G6PC2: variants seen among roughly 807,000 people sequenced by gnomAD.
G6PC2 encodes glucose-6-phosphatase 2.
In G6PC2, 41 loss-of-function variants were observed where a neutral mutation model predicts 35.4. That is an observed-to-expected ratio of 1.16 (90% confidence interval 0.90 to 1.50). The LOEUF (loss-of-function observed/expected upper bound fraction) is 1.50. Ranked by LOEUF, G6PC2 falls within the 40% of genes most tolerant of loss-of-function variation. The pLI is 0.00. For missense variants in G6PC2, 441 were observed against 426.5 expected (o/e 1.03, Z -0.30); for synonymous variants, 165 against 153.2 (o/e 1.08, Z -0.57).
chr2:168,904,438 T>G, intron 2 of G6PC2, 67 bp from the exon 3 acceptor site: 1 of 832,806 alleles, frequency 1.2e-6, no homozygotes, highest in East Asian at 2.4e-5. Context: ...AATATGCTAT[T>G]CTATTATTCA....
Position 168,902,507 on chromosome 2 carries a change from C to G in G6PC2, c.281C>G (p.Ser94Ter), listed in dbSNP as rs755109583. The change falls in exon 2 of 5, where the codon TCA (serine) becomes TGA (stop). Residue 94 changes from serine to a stop codon, truncating the protein, a stop_gained. Coordinates refer to ENST00000375363, the MANE Select transcript of G6PC2 (RefSeq NM_021176.3). LOFTEE classifies it high-confidence loss of function. Reference protein sequence around the residue: ...VQETQIYPNHSSPCLEQFPTT... With the variant: ...VQETQIYPNH ...GAAACTCAGATTTACCCAAATCACT[C>G]AAGTCCATGCCTTGAACAGTTCCCT... The G allele has an allele frequency of 8.8e-6, 14 of 1,586,404 alleles. No individual in the cohort carries two copies. In the East Asian group the frequency reaches 2.5e-4, roughly 28 times the overall value.
intron 3 of G6PC2, 89 bp downstream of exon 3, chr2:168,904,705 T>C (rs1311754159): frequency 2.6e-6 from 2 of 779,500 alleles, no homozygotes; most frequent in African/African-American, 3.4e-5. Flanking sequence ...AGTGCAGTTT[T>C]AGTCAATGAA....
Position 168,901,341 on chromosome 2 carries a change from C to T in G6PC2, c.10C>T (p.Leu4Phe), listed in dbSNP as rs1385272675. The T allele has an allele frequency of 6.3e-7, 1 of 1,577,912 alleles. No homozygotes were observed. The highest frequency in any genetic ancestry group is 1.3e-5 in the African/African-American group (1 of 74,184). Residue 4 changes from leucine (L) to phenylalanine (F), a missense_variant, in exon 1 of 5, where the codon CTT becomes TTT. Transcript: ENST00000375363. ...TTGCCTCTTTTTCAAGATGGATTTC[C>T]TTCACAGGAATGGAGTGCTCATAAT... MDF[L>F]HRNGVLIIQH...
chr2:168,907,736 G>T lies in G6PC2; in HGVS notation c.725G>T (p.Trp242Leu). Residue 242 changes from tryptophan to leucine, a missense_variant, in exon 5 of 5, where the codon TGG becomes TTG. By Grantham distance (61) the Trp-to-Leu change is moderately conservative (BLOSUM62 -2). Transcript: ENST00000375363. The part of the protein sequence containing the change: ...LLWSVPIAKK[W>L]CANPDWIHID... ...TGGTCCGTGCCCATAGCCAAAAAGT[G>T]GTGTGCTAACCCCGACTGGATCCAC... is the stretch of plus-strand genomic sequence containing the variant. 6.2e-7 allele frequency: 1 copy of T among 1,614,098 alleles called. No individual in the cohort carries two copies. Among genetic ancestry groups the T allele is most frequent in the Non-Finnish European group, 8.5e-7 (1 of 1,180,012 alleles).
Position 168,902,463 on chromosome 2 carries a change from A to C in G6PC2, c.237A>C (p.Arg79=). 6.8e-7 allele frequency: 1 copy of C among 1,474,056 alleles called. No individual in the cohort carries two copies. Among genetic ancestry groups the C allele is most frequent in the Non-Finnish European group, 9.5e-7 (1 of 1,052,280 alleles). 91.3% of individuals were successfully genotyped at this position (1,474,056 alleles called of 1,614,324 possible). ...LIFKWILFGH[R]PYWWVQETQI... is the part of the protein sequence containing the mutation. ...AATACAGGATATTATTTGGTCATCG[A>C]CCTTACTGGTGGGTCCAAGAAACTC... is the stretch of plus-strand genomic sequence containing the variant. Residue 79 remains arginine, a synonymous_variant, in exon 2 of 5, where the codon CGA becomes CGC. Coordinates refer to ENST00000375363, the MANE Select transcript of G6PC2 (RefSeq NM_021176.3).
rs996884628 is a variant in G6PC2, at chr2:168,909,282, C to T, written c.*1203C>T. Reference sequence around the variant, plus strand: ...CTTGAACCTCTGCTTCACTTCTGGTCTCTGTTTTACAGTAGTGCTCACCAA... The same window carrying T: ...CTTGAACCTCTGCTTCACTTCTGGTTTCTGTTTTACAGTAGTGCTCACCAA... On this transcript the variant is annotated 3_prime_UTR_variant, in exon 5 of 5. Coordinates refer to ENST00000375363, the MANE Select transcript of G6PC2 (RefSeq NM_021176.3). The T allele has an allele frequency of 5.9e-5, 9 of 152,216 alleles. No homozygotes were observed. Among genetic ancestry groups the T allele is most frequent in the African/African-American group, 2.2e-4 (9 of 41,434 alleles). The allele number at this position is 152,216 out of a possible 1,614,324, so 9.4% of individuals were successfully genotyped here. A position where few individuals can be genotyped will look rare whatever the true frequency, so the allele number is the denominator to read the frequency against.
intron 1 of G6PC2, among the ~76,000 whole-genome samples, chr2:168,901,936 A>C (rs769995816): frequency 6.6e-6 from 1 of 152,048 alleles, no homozygotes; most frequent in Non-Finnish European, 1.5e-5. Context: ...GGGTTTCTCT[A>C]TGTTGGTCAG....
At position 168,909,382 on chromosome 2, in the gene G6PC2, A is replaced by G. The variant is rs914087233; in HGVS notation, c.*1303A>G. On this transcript the variant is annotated 3_prime_UTR_variant, in exon 5 of 5. Transcript: ENST00000375363. ...CCCAAAGACTTATCTCTTCACTATGACATCTCCATACTTTATTTTTAGGAG... is the reference window on the plus strand; with the variant it reads ...CCCAAAGACTTATCTCTTCACTATGGCATCTCCATACTTTATTTTTAGGAG... The G allele has an allele frequency of 2.0e-5, 3 of 152,188 alleles. No homozygotes were observed. Among genetic ancestry groups the G allele is most frequent in the Admixed American group, 6.5e-5 (1 of 15,282 alleles). 9.4% of individuals were successfully genotyped at this position (152,188 alleles called of 1,614,324 possible). A position where few individuals can be genotyped will look rare whatever the true frequency, so the allele number is the denominator to read the frequency against.
Position 168,907,538 on chromosome 2 carries a change from T to A in G6PC2, c.557-30T>A, listed in dbSNP as rs183462054. The A allele has an allele frequency of 8.5e-5, 136 of 1,605,870 alleles. No individual in the cohort carries two copies. In the East Asian group the frequency reaches 2.7e-3, roughly 32 times the overall value. ...CCTCGAGGGGCTCAAGGGCACACAG[T>A]CATTGTCAGTGTCTCTTTCCAATCC... On this transcript the variant is annotated intron_variant, in intron 4 of 4. Transcript: ENST00000375363.
chr2:168,903,321 T>G (rs979456501), intron 2 of G6PC2, among the ~76,000 whole-genome samples: 5 of 152,234 alleles, frequency 3.3e-5, no homozygotes, highest in Admixed American at 3.3e-4. Context: ...GTAGAGAATG[T>G]GTAAATTCTT....
intron 2 of G6PC2, among the ~76,000 whole-genome samples, chr2:168,903,955 A>G (rs1402639124): frequency 6.6e-6 from 1 of 152,154 alleles, no homozygotes; most frequent in Admixed American, 6.5e-5. Context: ...GCATAGAAGT[A>G]GCTGCTAGTA....
At chr2:168,904,917 C>T (rs1690675317) in intron 3 of G6PC2, among the ~76,000 whole-genome samples, 1 of 152,122 alleles carries the variant, frequency 6.6e-6, no homozygotes, top group Non-Finnish European at 1.5e-5. Context: ...ATAAATAAGT[C>T]GTCTAAAATT....
chr2:168,907,123 G>C (rs1232227731), intron 4 of G6PC2, among the ~76,000 whole-genome samples: 2 of 152,166 alleles, frequency 1.3e-5, no homozygotes, highest in Non-Finnish European at 2.9e-5. Flanking sequence ...CCTGCACACT[G>C]TGCCATTCTC....
intron 4 of G6PC2, 56 bp from the exon 5 acceptor site, chr2:168,907,512 T>C: frequency 6.6e-7 from 1 of 1,525,190 alleles, no homozygotes; most frequent in Admixed American, 1.7e-5. Flanking sequence ...AGAGGAATGA[T>C]CCTCGAGGGG....
chr2:168,903,434 C>G (rs550705426), intron 2 of G6PC2, among the ~76,000 whole-genome samples: 1 of 151,990 alleles, frequency 6.6e-6, no homozygotes, highest in Non-Finnish European at 1.5e-5. Flanking sequence ...TTTATATATC[C>G]GATTGCCTAG....
chr2:168,909,427 G>T lies in G6PC2; in HGVS notation c.*1348G>T, dbSNP rs1690801953. 1.3e-5 allele frequency: 2 copies of T among 152,134 alleles called. No individual in the cohort carries two copies. The highest frequency in any genetic ancestry group is 2.4e-5 in the African/African-American group (1 of 41,436). The allele number at this position is 152,134 out of a possible 1,614,324, so 9.4% of individuals were successfully genotyped here. On this transcript the variant is annotated 3_prime_UTR_variant, in exon 5 of 5. Coordinates refer to ENST00000375363, the MANE Select transcript of G6PC2 (RefSeq NM_021176.3). ...TAGGAGACAGACTTTCAAAACCAGA[G>T]AAATCAGGTGCCTTCCTCAAGGTCA...
In G6PC2 at chr2:168,908,006, C is replaced by T. The variant is rs1307753666; in HGVS notation, c.995C>T (p.Pro332Leu). 6.2e-7 allele frequency: 1 copy of T among 1,612,300 alleles called. No individual in the cohort carries two copies. The highest frequency in any genetic ancestry group is 8.5e-7 in the Non-Finnish European group (1 of 1,178,532). Residue 332 changes from proline to leucine, a missense_variant, in exon 5 of 5, where the codon CCC (proline) becomes CTC (leucine). Coordinates refer to ENST00000375363, the MANE Select transcript of G6PC2 (RefSeq NM_021176.3). ...TCTTTTTGTAAAAGTGCATCCATTC[C>T]CCTAACTGTGGTTGCTTTCATTCCC... is the stretch of plus-strand genomic sequence containing the variant. ...VLSFCKSASI[P>L]LTVVAFIPYS...
In G6PC2 at chr2:168,909,856, A is replaced by T. The variant is rs1690813188; in HGVS notation, c.*1777A>T. On this transcript the variant is annotated 3_prime_UTR_variant, in exon 5 of 5. Transcript: ENST00000375363. ...ACATGATAGTAGCTGAGGATAACAA[A>T]CCTCAAAAAATCAAAGTATTAATTA... The T allele has an allele frequency of 6.6e-6, 1 of 152,198 alleles. No individual in the cohort carries two copies. Among genetic ancestry groups the T allele is most frequent in the South Asian group, 2.1e-4 (1 of 4,836 alleles). 9.4% of individuals were successfully genotyped at this position (152,198 alleles called of 1,614,324 possible).
chr2:168,907,527 AG>A, intron 4 of G6PC2, 40 bp from the exon 5 acceptor site: 1 of 1,604,168 alleles, frequency 6.2e-7, no homozygotes. Context: ...GAGGGGCTCA[AG>A]GGCACACAGT....
Sources: allele counts gnomAD v4.1 joint callset (sites outside exome capture counted in the v4.1 genomes callset), GRCh38; gene constraint gnomAD v4.1.1; transcripts MANE v1.5; gene names NCBI Gene and HGNC (gene_info 2026-07-23, HGNC 2026-07-21).